Variants in TBXAS1 observed in about 807,000 individuals in gnomAD.
TBXAS1 encodes thromboxane A synthase 1.
TBXAS1 carries 48 observed loss-of-function variants against 60.7 expected under a neutral mutation model. The observed-to-expected ratio is 0.79, with a 90% CI of 0.63 to 1.01. TBXAS1 has a LOEUF of 1.01. Ranked by LOEUF, TBXAS1 falls within the 50% of genes least tolerant of loss-of-function variation. The pLI is 0.00. For synonymous variants in TBXAS1, 287 were observed against 269.7 expected (o/e 1.06, Z -0.63); for missense variants, 685 against 686.3 (o/e 1.00, Z 0.02).
chr7:139,932,993 G>A (rs77840799), intron 4 of TBXAS1, among the ~76,000 whole-genome samples: 4,638 of 152,224 alleles, frequency 0.03, 217 homozygotes, highest in African/African-American at 0.1. Flanking sequence ...GAAGTTTGGG[G>A]TTCCAGTGAG....
chr7:139,994,956 C>T (rs1233433461), intron 9 of TBXAS1, among the ~76,000 whole-genome samples: 2 of 152,186 alleles, frequency 1.3e-5, no homozygotes, highest in Admixed American at 6.5e-5. Context: ...CCAGGGAGGA[C>T]GTTTGGGTAA....
In TBXAS1 at chr7:139,975,849, C is replaced by G. The variant is rs892338367; in HGVS notation, c.1134+13616C>G. 6.6e-6 allele frequency among the ~76,000 whole-genome samples: 1 copy of G among 152,192 alleles called. No individual in the cohort carries two copies. The highest frequency in any genetic ancestry group is 1.5e-5 in the Non-Finnish European group (1 of 68,032). On this transcript the variant is annotated intron_variant, in intron 9 of 12. Transcript: ENST00000448866. This position sits in a 1 kb window ranked among gnomAD's most constrained non-coding sequence, Gnocchi z 4.4. ...GATGAAGAGTGCATGGGCAGCTTCTCCCCTGACATCCCTACCTCCCTGACG... is the reference window on the plus strand; with the variant it reads ...GATGAAGAGTGCATGGGCAGCTTCTGCCCTGACATCCCTACCTCCCTGACG...
intron 5 of TBXAS1, chr7:139,952,401 C>T (rs1265541451): frequency 9.8e-7 from 1 of 1,019,662 alleles, no homozygotes; most frequent in Non-Finnish European, 1.4e-6. Flanking sequence ...ACTCAATATT[C>T]TAGTGTGAAA....
intron 4 of TBXAS1, among the ~76,000 whole-genome samples, chr7:139,788,628 C>T (rs1333048743): frequency 6.6e-6 from 1 of 152,196 alleles, no homozygotes; most frequent in Admixed American, 6.5e-5. Context: ...TGGAGGGAGC[C>T]AGACTGCTAT....
chr7:139,875,529 G>C, intron 2 of TBXAS1, 56 bp from the exon 3 acceptor site: 1 of 1,469,596 alleles, frequency 6.8e-7, no homozygotes, highest in Non-Finnish European at 9.5e-7. Flanking sequence ...GAATAAGTTT[G>C]AATAATTGGA....
chr7:139,843,069 C>G (rs75559905), intron 1 of TBXAS1, among the ~76,000 whole-genome samples: 1 of 152,312 alleles, frequency 6.6e-6, no homozygotes, highest in African/African-American at 2.4e-5. Flanking sequence ...TGAAAGGTGC[C>G]CTAAAGTCCT....
intron 4 of TBXAS1, among the ~76,000 whole-genome samples, chr7:139,925,367 G>T (rs1039730001): frequency 6.6e-6 from 1 of 152,064 alleles, no homozygotes; most frequent in Non-Finnish European, 1.5e-5. Context: ...TACTTCTTCA[G>T]TAAAGTTAAT....
rs1294668848 is a variant in TBXAS1, at chr7:140,013,096, A to G, written c.1227-2627A>G. 6.6e-6 allele frequency among the ~76,000 whole-genome samples: 1 copy of G among 152,124 alleles called. No individual in the cohort carries two copies. The highest frequency in any genetic ancestry group is 2.4e-5 in the African/African-American group (1 of 41,434). On this transcript the variant is annotated intron_variant, in intron 10 of 12. Transcript: ENST00000448866. This position sits in a 1 kb window ranked among gnomAD's most constrained non-coding sequence, Gnocchi z 4.2. Reference sequence around the variant, plus strand: ...CGAGACTCCATCTCAAAAAAAAAAAAAAAAAGAAATTGGGGCAAGATGTAT... The same window carrying G: ...CGAGACTCCATCTCAAAAAAAAAAAGAAAAAGAAATTGGGGCAAGATGTAT...
intron 1 of TBXAS1, among the ~76,000 whole-genome samples, chr7:139,851,822 C>G (rs1314649191): frequency 1.3e-5 from 2 of 152,194 alleles, no homozygotes; most frequent in Non-Finnish European, 2.9e-5. Flanking sequence ...AGAGGGCCCT[C>G]TGGATCCTTG....
At chr7:139,781,375 A>G (rs1361932740) in intron 2 of TBXAS1, among the ~76,000 whole-genome samples, 1 of 152,196 alleles carries the variant, frequency 6.6e-6, no homozygotes, top group African/African-American at 2.4e-5. Flanking sequence ...AGGATCTGTG[A>G]CAGAACCTGG....
At position 140,002,276 on chromosome 7, in the gene TBXAS1, C is replaced by T. The variant is rs536736813; in HGVS notation, c.1135-4815C>T. Among the ~76,000 whole-genome samples, 5 of 152,356 alleles carry T rather than the reference C, an allele frequency of 3.3e-5. No individual in the cohort carries two copies. In the South Asian group the frequency reaches 1.0e-3, roughly 32 times the overall value. ...CCCCAGCACCTGGTCCCGCACCTGA[C>T]CCATCCAAGGTGCCCGCTGAGGAAC... is the stretch of plus-strand genomic sequence containing the variant. On this transcript the variant is annotated intron_variant, in intron 9 of 12. Coordinates refer to ENST00000448866, the MANE Select transcript of TBXAS1 (RefSeq NM_001061.7).
intron 1 of TBXAS1, among the ~76,000 whole-genome samples, chr7:139,854,867 G>A (rs949621996): frequency 6.6e-6 from 1 of 152,132 alleles, no homozygotes; most frequent in African/African-American, 2.4e-5. Context: ...CTCTCTGGAG[G>A]CTAGGATGTA....
At chr7:139,885,195 C>T (rs976527217) in intron 3 of TBXAS1, among the ~76,000 whole-genome samples, 10 of 152,228 alleles carry the variant, frequency 6.6e-5, no homozygotes, top group Middle Eastern at 3.2e-3. Flanking sequence ...TGGAAGGGAA[C>T]TAACTCATTC....
At chr7:139,851,816 G>A (rs994575934) in intron 1 of TBXAS1, among the ~76,000 whole-genome samples, 2 of 152,120 alleles carry the variant, frequency 1.3e-5, no homozygotes, top group African/African-American at 4.8e-5. Flanking sequence ...CCTCCAAGAG[G>A]GCCCTCTGGA....
At position 139,911,311 on chromosome 7, in the gene TBXAS1, C is replaced by G. The variant is rs536748649; in HGVS notation, c.323C>G (p.Thr108Ser). The G allele has an allele frequency of 1.1e-5, 18 of 1,613,850 alleles. No homozygotes were observed. The South Asian group carries it at 2.0e-4, about 18-fold the overall frequency. The stretch of plus-strand genomic sequence containing the variant: ...TTGGTTGAGAACTTCAGTAACTTTA[C>G]CAACAGAATGGTACGTAGTTTTCTT... ...QVLVENFSNF[T>S]NRMASGLEFK... Residue 108 changes from threonine to serine, a missense_variant, in exon 4 of 13, where the codon ACC becomes AGC. By Grantham distance (58) the Thr-to-Ser change is moderately conservative. Transcript: ENST00000448866.
chr7:139,807,378 A>G (rs1329792836), intron 4 of TBXAS1, among the ~76,000 whole-genome samples: 4 of 147,632 alleles, frequency 2.7e-5, no homozygotes, highest in Non-Finnish European at 6.0e-5. Flanking sequence ...GTGTCCCACC[A>G]CACCTAGTTA....
intron 5 of TBXAS1, among the ~76,000 whole-genome samples, chr7:139,952,373 A>G (rs1809481528): frequency 6.6e-6 from 1 of 152,196 alleles, no homozygotes; most frequent in African/African-American, 2.4e-5. Context: ...ACAGACTAAG[A>G]TCTCTCTGAC....
At chr7:139,856,819 G>C (rs1800614657) in intron 1 of TBXAS1, among the ~76,000 whole-genome samples, 1 of 152,018 alleles carries the variant, frequency 6.6e-6, no homozygotes, top group Admixed American at 6.6e-5. Flanking sequence ...CGGTGGTCTC[G>C]TATCAGGCAA....
chr7:139,960,985 A>C (rs1261408574), intron 8 of TBXAS1, among the ~76,000 whole-genome samples: 1 of 152,230 alleles, frequency 6.6e-6, no homozygotes, highest in Non-Finnish European at 1.5e-5. Flanking sequence ...GGGATGTTCT[A>C]GGAATAAGCT....
Sources: allele counts gnomAD v4.1 joint callset (sites outside exome capture counted in the v4.1 genomes callset), GRCh38; gene constraint gnomAD v4.1.1; non-coding constraint Gnocchi (gnomAD v3.1); transcripts MANE v1.5; gene names NCBI Gene and HGNC (gene_info 2026-07-23, HGNC 2026-07-21).